CDCA2: variants seen among roughly 807,000 people sequenced by gnomAD.
CDCA2 encodes the protein cell division cycle associated 2, also known as cell division cycle-associated protein 2.
Under a neutral mutation model 67.0 loss-of-function variants are expected in CDCA2, and 44 were observed. That is an observed-to-expected ratio of 0.66 (90% CI 0.52 to 0.84). The LOEUF is 0.84. CDCA2 is among the 40% of genes least tolerant of loss of function. The pLI is 0.00. For synonymous variants in CDCA2, 447 were observed against 418.7 expected, an observed-to-expected ratio of 1.07 and a Z score of -0.82; for missense variants, 1,253 against 1,203.2, an observed-to-expected ratio of 1.04 and a Z score of -0.61.
intron 7 of CDCA2, among the ~76,000 whole-genome samples, chr8:25,475,912 G>C (rs1189089815): frequency 1.3e-5 from 2 of 152,206 alleles, no homozygotes; most frequent in Admixed American, 6.5e-5. Context: ...CAAGACAGGA[G>C]TGCAGCTCCT....
intron 13 of CDCA2, among the ~76,000 whole-genome samples, chr8:25,493,798 CAT>C (rs1470211460): frequency 1.3e-5 from 2 of 152,176 alleles, no homozygotes; most frequent in Non-Finnish European, 2.9e-5. Context: ...CAGGCACACT[CAT>C]ACATTTTCTG....
At position 25,487,239 on chromosome 8, in the gene CDCA2, T is replaced by C. The variant is rs754361601; in HGVS notation, c.1445-7T>C. ...TACCCTGATTTAGCTTTTGTCTTGT[T>C]TATCAGGCACTGATACCTTTAGTTC... On this transcript the variant is annotated splice_polypyrimidine_tract_variant and splice_region_variant and intron_variant, in intron 11 of 14. Coordinates refer to ENST00000330560, the MANE Select transcript of CDCA2 (RefSeq NM_152562.4). 6.3e-7 allele frequency: 1 copy of C among 1,596,738 alleles called. No individual in the cohort carries two copies. The highest frequency in any genetic ancestry group is 8.6e-7 in the Non-Finnish European group (1 of 1,165,364).
chr8:25,482,157 CT>C (rs1563271223), intron 8 of CDCA2, among the ~76,000 whole-genome samples: 1 of 152,202 alleles, frequency 6.6e-6, no homozygotes. Flanking sequence ...TACAATATCC[CT>C]TCTTTCCTAA....
chr8:25,460,173 G>C (rs1460641061), intron 1 of CDCA2, 67 bp from the exon 2 acceptor site: 89 of 1,472,706 alleles, frequency 6.0e-5, no homozygotes, highest in Non-Finnish European at 8.0e-5. Flanking sequence ...CCTGAATAAG[G>C]TACGTGATCG....
At position 25,507,865 on chromosome 8, in the gene CDCA2, G is replaced by T; in HGVS notation, c.*127G>T. On this transcript the variant is annotated 3_prime_UTR_variant, in exon 15 of 15. Coordinates refer to ENST00000330560, the MANE Select transcript of CDCA2 (RefSeq NM_152562.4). ...GTTCCTAATAAATAAACTCATTTGA[G>T]TTGAACCTACTTTTATGTAGAAATA... 1 of 878,256 alleles carries T rather than the reference G, an allele frequency of 1.1e-6. No individual in the cohort carries two copies. The highest frequency in any genetic ancestry group is 1.6e-6 in the Non-Finnish European group (1 of 624,474). 54.4% of individuals were successfully genotyped at this position (878,256 alleles called of 1,614,324 possible). A position where few individuals can be genotyped will look rare whatever the true frequency, so the allele number is the denominator to read the frequency against.
At chr8:25,474,265 G>T (rs1803265279) in intron 7 of CDCA2, among the ~76,000 whole-genome samples, 1 of 152,156 alleles carries the variant, frequency 6.6e-6, no homozygotes, top group Non-Finnish European at 1.5e-5. Flanking sequence ...CTTATATGTA[G>T]CAGGGTAGTG....
chr8:25,484,356 T>C, intron 10 of CDCA2, 146 bp downstream of exon 10: 1 of 1,121,586 alleles, frequency 8.9e-7, no homozygotes, highest in Admixed American at 2.5e-5. Flanking sequence ...TGTATGTAGG[T>C]TTTTATGAGT....
intron 14 of CDCA2, 49 bp from the exon 15 acceptor site, chr8:25,506,461 T>C: frequency 6.9e-7 from 1 of 1,455,674 alleles, no homozygotes; most frequent in Non-Finnish European, 9.2e-7. Flanking sequence ...TAAAGTTCAT[T>C]CCCATTGTTA....
At chr8:25,470,007 C>G in intron 7 of CDCA2, 27 bp downstream of exon 7, 1 of 1,429,896 alleles carries the variant, frequency 7.0e-7, no homozygotes, top group Non-Finnish European at 9.8e-7. Context: ...TAGTACATGG[C>G]CAGTTGCCCG....
At chr8:25,467,190 G>A (rs12156062) in intron 5 of CDCA2, among the ~76,000 whole-genome samples, 1 of 150,278 alleles carries the variant, frequency 6.7e-6, no homozygotes, top group Non-Finnish European at 1.5e-5. Context: ...AAGCATTTCA[G>A]ATACCAGAAT....
intron 7 of CDCA2, among the ~76,000 whole-genome samples, chr8:25,472,660 C>T (rs552882790): frequency 1.3e-5 from 2 of 152,220 alleles, no homozygotes; most frequent in East Asian, 1.9e-4. Flanking sequence ...TTTATGTTTT[C>T]AACAGATAAT....
At chr8:25,460,596 A>G in intron 3 of CDCA2, 42 bp downstream of exon 3, 2 of 1,566,794 alleles carry the variant, frequency 1.3e-6, no homozygotes, top group Non-Finnish European at 1.7e-6. Context: ...TTTCAAGTTT[A>G]AAAATAACTT....
At chr8:25,478,888 G>GTGTATATATATATATATATATA (rs1006353040) in intron 7 of CDCA2, among the ~76,000 whole-genome samples, 188 of 111,488 alleles carry the variant, frequency 1.7e-3, no homozygotes, top group African/African-American at 7.3e-3. Context: ...TTGTGTGTGT[G>GTGTATATATATATATATATATA]TATATATATA....
intron 11 of CDCA2, 35 bp downstream of exon 11, chr8:25,485,872 AT>A: frequency 8.3e-7 from 1 of 1,210,944 alleles, no homozygotes; most frequent in South Asian, 1.3e-5. Flanking sequence ...CATAAATGTC[AT>A]TTTTTATATG....
At chr8:25,500,506 A>G (rs1413421079) in intron 13 of CDCA2, among the ~76,000 whole-genome samples, 1 of 152,116 alleles carries the variant, frequency 6.6e-6, no homozygotes, top group East Asian at 1.9e-4. Flanking sequence ...TTTGTCAATT[A>G]AAACTTTTTT....
At position 25,488,690 on chromosome 8, in the gene CDCA2, G is replaced by A. The variant is rs761345666; in HGVS notation, c.1671+1G>A. The A allele has an allele frequency of 3.1e-6, 5 of 1,597,940 alleles. No homozygotes were observed. The highest frequency in any genetic ancestry group is 4.3e-6 in the Non-Finnish European group (5 of 1,174,708). On this transcript the variant is annotated splice_donor_variant, in intron 13 of 14. Transcript: ENST00000330560. LOFTEE classifies it high-confidence loss of function. ...GAGAGCACTTCCTAAGAAGAGTCAGGTAAGCATGTGTTTAAAGATATAATA... is the reference window on the plus strand; with the variant it reads ...GAGAGCACTTCCTAAGAAGAGTCAGATAAGCATGTGTTTAAAGATATAATA...
Position 25,507,222 on chromosome 8 carries a change from A to G in CDCA2, c.2556A>G (p.Pro852=). The G allele has an allele frequency of 6.2e-7, 1 of 1,614,194 alleles. No homozygotes were observed. Among genetic ancestry groups the G allele is most frequent in the Non-Finnish European group, 8.5e-7 (1 of 1,180,034 alleles). ...TGGAAAAAAATGGAAATCACACACC[A>G]TCCTCCAGTGTGGGCAGCTCTGTAG... ...LHLEKNGNHT[P]SSSVGSSVEI... Residue 852 remains proline (P), a synonymous_variant, in exon 15 of 15, where the codon CCA becomes CCG. Coordinates refer to ENST00000330560, the MANE Select transcript of CDCA2 (RefSeq NM_152562.4).
intron 13 of CDCA2, among the ~76,000 whole-genome samples, chr8:25,495,856 C>T (rs1387126634): frequency 6.6e-6 from 1 of 152,096 alleles, no homozygotes; most frequent in Non-Finnish European, 1.5e-5. Flanking sequence ...AAGATGTGCA[C>T]TCAGAGACAA....
chr8:25,503,363 A>G lies in CDCA2; in HGVS notation c.1672-10A>G, dbSNP rs1282584202. The stretch of plus-strand genomic sequence containing the variant: ...TTTCTCAATTGCAATGTTTTAATGC[A>G]TTTTCTCAGGTTTTAAAAAGTTGCA... On this transcript the variant is annotated splice_polypyrimidine_tract_variant and intron_variant, in intron 13 of 14. Transcript: ENST00000330560. The G allele has an allele frequency of 2.5e-6, 4 of 1,606,856 alleles. No homozygotes were observed. The African/African-American group carries it at 5.3e-5, about 21-fold the overall frequency.
Sources: allele counts gnomAD v4.1 joint callset (sites outside exome capture counted in the v4.1 genomes callset), GRCh38; gene constraint gnomAD v4.1.1; transcripts MANE v1.5; gene names NCBI Gene and HGNC (gene_info 2026-07-23, HGNC 2026-07-21).